CBL: variants seen among roughly 807,000 people sequenced by gnomAD.
The protein encoded by CBL is Cbl proto-oncogene, also known as E3 ubiquitin-protein ligase CBL.
In CBL, 45 loss-of-function variants were observed where a neutral mutation model predicts 96.9. That is an observed-to-expected ratio of 0.46 (90% CI 0.37 to 0.60). The LOEUF (loss-of-function observed/expected upper bound fraction) is 0.60. CBL is among the 20% of genes least tolerant of loss of function. CBL has a pLI of 0.00. For missense variants in CBL, 1,024 were observed against 1,143.5 expected (o/e 0.90, Z 1.51); for synonymous variants, 420 against 426.8 (o/e 0.98, Z 0.20).
At chr11:119,277,500 T>C (rs1477875053) in intron 6 of CBL, among the ~76,000 whole-genome samples, 1 of 152,226 alleles carries the variant, frequency 6.6e-6, no homozygotes, top group East Asian at 1.9e-4. Flanking sequence ...ACCCCTTGAT[T>C]AAAAGATAGA....
intron 1 of CBL, among the ~76,000 whole-genome samples, chr11:119,224,414 T>C (rs984702894): frequency 2.0e-5 from 3 of 151,702 alleles, no homozygotes; most frequent in Non-Finnish European, 4.4e-5. Context: ...TGCCCCCCAT[T>C]GAAAGTCACA....
At chr11:119,215,769 G>A (rs905158667) in intron 1 of CBL, among the ~76,000 whole-genome samples, 15 of 152,048 alleles carry the variant, frequency 9.9e-5, no homozygotes, top group African/African-American at 3.1e-4. Flanking sequence ...AGAGGCTACA[G>A]TGAGCTGAGT....
At chr11:119,264,458 T>A (rs1246131818) in intron 2 of CBL, among the ~76,000 whole-genome samples, 1 of 133,700 alleles carries the variant, frequency 7.5e-6, no homozygotes, top group Non-Finnish European at 1.7e-5. Context: ...TTCTCTTCTC[T>A]TCTCTTTTCT....
chr11:119,250,825 C>T (rs1949664972), intron 2 of CBL, among the ~76,000 whole-genome samples: 1 of 152,014 alleles, frequency 6.6e-6, no homozygotes. Context: ...GAGGTGCGCG[C>T]CTGTAATTCC....
At chr11:119,213,597 T>C (rs1949335135) in intron 1 of CBL, among the ~76,000 whole-genome samples, 1 of 152,238 alleles carries the variant, frequency 6.6e-6, no homozygotes, top group Non-Finnish European at 1.5e-5. Flanking sequence ...AGATACTTTG[T>C]AAGTTTTTTG....
chr11:119,277,930 T>A, intron 7 of CBL, 86 bp downstream of exon 7: 3 of 1,003,742 alleles, frequency 3.0e-6, no homozygotes, highest in Non-Finnish European at 4.7e-6. Flanking sequence ...ATTGAATTCA[T>A]TGGAACCCAT....
chr11:119,219,324 G>A (rs1224199113), intron 1 of CBL, among the ~76,000 whole-genome samples: 1 of 151,078 alleles, frequency 6.6e-6, no homozygotes, highest in Non-Finnish European at 1.5e-5. Flanking sequence ...GTGGCAGTGA[G>A]CCGAGATAGT....
At chr11:119,280,153 A>T (rs1376021944) in intron 9 of CBL, among the ~76,000 whole-genome samples, 3 of 152,202 alleles carry the variant, frequency 2.0e-5, no homozygotes, top group Non-Finnish European at 4.4e-5. Context: ...TTTAATGAAC[A>T]TTCATATTGT....
chr11:119,289,452 C>A (rs1379913269), intron 12 of CBL: 1 of 152,020 alleles, frequency 6.6e-6, no homozygotes, highest in Non-Finnish European at 1.5e-5. Flanking sequence ...CTATTTCTTG[C>A]CTGCCTTAAG....
At chr11:119,285,671 G>A in intron 11 of CBL, 105 bp downstream of exon 11, 1 of 1,308,072 alleles carries the variant, frequency 7.6e-7, no homozygotes, top group Non-Finnish European at 1.1e-6. Context: ...CAAGGTGGGT[G>A]GATCGCTTGA....
rs1209364303 is a variant in CBL, at chr11:119,300,217, C to G, written c.*436C>G. 4 of 464,726 alleles carry G rather than the reference C, an allele frequency of 8.6e-6. No homozygotes were observed. The highest frequency in any genetic ancestry group is 1.1e-5 in the Non-Finnish European group (3 of 265,732). The allele number at this position is 464,726 out of a possible 1,614,324, so 28.8% of individuals were successfully genotyped here. A position where few individuals can be genotyped will look rare whatever the true frequency, so the allele number is the denominator to read the frequency against. ...GATTAACCTGCTGTGTGTGTTAATT[C>G]CAGGCAGGGAATTAGCACAAAAGGT... On this transcript the variant is annotated 3_prime_UTR_variant, in exon 16 of 16. Coordinates refer to ENST00000264033, the MANE Select transcript of CBL (RefSeq NM_005188.4).
At chr11:119,269,246 C>CTTTTTT (rs11317875) in intron 2 of CBL, among the ~76,000 whole-genome samples, 2 of 118,350 alleles carry the variant, frequency 1.7e-5, no homozygotes, top group Non-Finnish European at 3.4e-5. Context: ...TGGATAAGTG[C>CTTTTTT]TTTTTTTTTT....
At chr11:119,282,402 T>C (rs1050662403) in intron 9 of CBL, among the ~76,000 whole-genome samples, 1 of 151,736 alleles carries the variant, frequency 6.6e-6, no homozygotes, top group African/African-American at 2.4e-5. Context: ...TGTAAAAATA[T>C]GATTAGTTCA....
At chr11:119,254,321 G>A (rs1949694684) in intron 2 of CBL, among the ~76,000 whole-genome samples, 1 of 152,134 alleles carries the variant, frequency 6.6e-6, no homozygotes, top group African/African-American at 2.4e-5. Flanking sequence ...TTTTATGTAA[G>A]TGCAACCATG....
chr11:119,271,250 C>A (rs1038691520), intron 2 of CBL, among the ~76,000 whole-genome samples: 1 of 152,150 alleles, frequency 6.6e-6, no homozygotes, highest in Admixed American at 6.5e-5. Flanking sequence ...TAAGTTCTTA[C>A]ACTTATTTGT....
At chr11:119,225,308 G>T (rs746938459) in intron 1 of CBL, among the ~76,000 whole-genome samples, 22 of 151,990 alleles carry the variant, frequency 1.4e-4, no homozygotes, top group Non-Finnish European at 2.5e-4. Flanking sequence ...TGTTGGTCAG[G>T]CTGGTCTCCA....
intron 2 of CBL, among the ~76,000 whole-genome samples, chr11:119,258,746 C>T (rs1949730755): frequency 6.6e-6 from 1 of 152,078 alleles, no homozygotes; most frequent in Non-Finnish European, 1.5e-5. Flanking sequence ...TTTAGGATTG[C>T]TTTGGCTTTT....
chr11:119,274,769 A>G (rs1949875597), intron 4 of CBL, 63 bp from the exon 5 acceptor site: 1 of 1,498,864 alleles, frequency 6.7e-7, no homozygotes, highest in Non-Finnish European at 9.2e-7. Context: ...TTTTTTTCTC[A>G]TTGCCCTCTG....
chr11:119,253,751 T>TAA (rs1442263104), intron 2 of CBL, among the ~76,000 whole-genome samples: 1 of 150,522 alleles, frequency 6.6e-6, no homozygotes, highest in Non-Finnish European at 1.5e-5. Flanking sequence ...TTTGGGAAGA[T>TAA]GCTTGAGTGT....
Sources: gnomAD v4.1 joint callset for allele counts (sites outside exome capture counted in the v4.1 genomes callset) on GRCh38, gnomAD v4.1.1 for gene constraint, MANE v1.5 for transcripts, NCBI Gene and HGNC (gene_info 2026-07-23, HGNC 2026-07-21) for gene names.